Variants in GABRG3 observed in about 807,000 individuals in gnomAD.
The protein encoded by GABRG3 is gamma-aminobutyric acid type A receptor subunit gamma3.
Under a neutral mutation model 48.8 loss-of-function variants are expected in GABRG3, and 25 were observed. The ratio of observed to expected loss-of-function variants is 0.51; its 90% CI spans 0.37 to 0.72. The LOEUF is 0.72. Ranked by LOEUF, GABRG3 falls within the 30% of genes least tolerant of loss-of-function variation. GABRG3 has a pLI of 0.00. For synonymous variants in GABRG3, 227 were observed against 217.6 expected (o/e 1.04, Z -0.38); for missense variants, 394 against 577.9 (o/e 0.68, Z 3.26).
intron 3 of GABRG3, among the ~76,000 whole-genome samples, chr15:27,313,262 G>GTATATATATATATATATATATATATGTA (rs1893076958): frequency 2.9e-5 from 1 of 34,562 alleles, no homozygotes; most frequent in Non-Finnish European, 5.7e-5. Flanking sequence ...GTGTGTGTGT[G>GTATATATATATATATATATATATATGTA]TATATATATA....
chr15:27,289,864 C>T (rs1258395462), intron 3 of GABRG3, among the ~76,000 whole-genome samples: 1 of 152,044 alleles, frequency 6.6e-6, no homozygotes, highest in South Asian at 2.1e-4. Flanking sequence ...TGTGTATATA[C>T]GTGGACTAAT....
chr15:27,299,879 C>T lies in GABRG3; in HGVS notation c.271-26930C>T, dbSNP rs116769401. 4.2e-3 allele frequency among the ~76,000 whole-genome samples: 636 copies of T among 152,210 alleles called. 2 individuals are homozygous for T. The highest frequency in any genetic ancestry group is 0.015 in the African/African-American group (606 of 41,532). ...ACACATGCCAGAGAATAAAAAAGTACTAGGTAGCTTGCAGAAAGAAAAGAG... is the reference window on the plus strand; with the variant it reads ...ACACATGCCAGAGAATAAAAAAGTATTAGGTAGCTTGCAGAAAGAAAAGAG... On this transcript the variant is annotated intron_variant, in intron 3 of 9. Transcript: ENST00000615808.
intron 6 of GABRG3, among the ~76,000 whole-genome samples, chr15:27,486,828 T>C (rs781564389): frequency 6.6e-6 from 1 of 152,192 alleles, no homozygotes; most frequent in African/African-American, 2.4e-5. Flanking sequence ...GTGAGGAGAA[T>C]TGAGAGATTT....
At chr15:27,259,410 C>T (rs895304624) in intron 3 of GABRG3, among the ~76,000 whole-genome samples, 5 of 152,142 alleles carry the variant, frequency 3.3e-5, no homozygotes, top group Admixed American at 6.5e-5. Context: ...GTGAGCAGAG[C>T]GGAGGCTTTC....
intron 3 of GABRG3, among the ~76,000 whole-genome samples, chr15:27,205,311 A>G (rs1472793572): frequency 6.6e-6 from 1 of 152,136 alleles, no homozygotes; most frequent in Non-Finnish European, 1.5e-5. Flanking sequence ...TATTGAGATG[A>G]TCATGTGCTT....
intron 5 of GABRG3, among the ~76,000 whole-genome samples, chr15:27,410,824 G>C (rs1280568045): frequency 6.7e-6 from 1 of 149,862 alleles, no homozygotes; most frequent in Admixed American, 6.7e-5. Flanking sequence ...GAAAGAGAGA[G>C]AGAGCACACG....
intron 3 of GABRG3, among the ~76,000 whole-genome samples, chr15:27,201,302 G>A (rs1480083549): frequency 6.6e-6 from 1 of 151,416 alleles, no homozygotes. Flanking sequence ...AGGGAGGTTG[G>A]TGGACAGAGC....
chr15:27,215,801 G>A (rs1317550300), intron 3 of GABRG3, among the ~76,000 whole-genome samples: 1 of 152,166 alleles, frequency 6.6e-6, no homozygotes, highest in Non-Finnish European at 1.5e-5. Context: ...AAGCTTTGCT[G>A]TGCCTTTGTA....
chr15:27,385,739 C>G (rs1399735185), intron 5 of GABRG3, among the ~76,000 whole-genome samples: 1 of 152,130 alleles, frequency 6.6e-6, no homozygotes, highest in East Asian at 1.9e-4. Context: ...TCATTCTGTT[C>G]TATATTGACA....
chr15:27,480,913 C>T, intron 6 of GABRG3, 126 bp downstream of exon 6: 1 of 1,431,954 alleles, frequency 7.0e-7, no homozygotes. Flanking sequence ...TGAGACAAAA[C>T]AAGTGATTCA....
At chr15:27,145,494 G>A (rs1446015801) in intron 3 of GABRG3, among the ~76,000 whole-genome samples, 2 of 152,078 alleles carry the variant, frequency 1.3e-5, no homozygotes, top group African/African-American at 4.8e-5. Context: ...TAGGTTGATT[G>A]AGATTATCCA....
At chr15:27,420,466 C>T (rs1157418622) in intron 5 of GABRG3, among the ~76,000 whole-genome samples, 1 of 152,098 alleles carries the variant, frequency 6.6e-6, no homozygotes, top group African/African-American at 2.4e-5. Context: ...GTTCTGGACA[C>T]CCAGTGACTA....
In GABRG3 at chr15:27,535,713, A is replaced by C. The variant is rs963306216; in HGVS notation, c.*2832A>C. 1.3e-5 allele frequency: 2 copies of C among 152,084 alleles called. No individual in the cohort carries two copies. The highest frequency in any genetic ancestry group is 4.8e-5 in the African/African-American group (2 of 41,412). The allele number at this position is 152,084 out of a possible 1,614,324, so 9.4% of individuals were successfully genotyped here. A position where few individuals can be genotyped will look rare whatever the true frequency, so the allele number is the denominator to read the frequency against. On this transcript the variant is annotated 3_prime_UTR_variant, in exon 10 of 10. Coordinates refer to ENST00000615808, the MANE Select transcript of GABRG3 (RefSeq NM_033223.5). The stretch of plus-strand genomic sequence containing the variant: ...ATTCAAGTTCTCCATATCAGTCTCA[A>C]CTCCTGAGATGAGCCTTTTCAGTCC...
chr15:27,123,040 T>TC (rs1897758304), intron 3 of GABRG3, among the ~76,000 whole-genome samples: 1 of 151,912 alleles, frequency 6.6e-6, no homozygotes. Flanking sequence ...ATCCCCTTTT[T>TC]CCCTCTCCCT....
At chr15:27,219,322 C>A (rs1230794839) in intron 3 of GABRG3, among the ~76,000 whole-genome samples, 2 of 152,098 alleles carry the variant, frequency 1.3e-5, no homozygotes. Flanking sequence ...GTTTGTGCTC[C>A]TCCAAGGTAG....
chr15:27,048,009 G>A (rs910242756), intron 3 of GABRG3, among the ~76,000 whole-genome samples: 8 of 152,174 alleles, frequency 5.3e-5, no homozygotes, highest in African/African-American at 1.4e-4. Context: ...AGAATAGGTC[G>A]TTTGCATCCA....
At chr15:27,386,127 T>C (rs1233978142) in intron 5 of GABRG3, among the ~76,000 whole-genome samples, 1 of 152,078 alleles carries the variant, frequency 6.6e-6, no homozygotes, top group Non-Finnish European at 1.5e-5. Flanking sequence ...CTCTCTCTCT[T>C]TGTTTTCCTG....
At chr15:27,046,006 G>A (rs893878052) in intron 3 of GABRG3, among the ~76,000 whole-genome samples, 3 of 152,208 alleles carry the variant, frequency 2.0e-5, no homozygotes, top group African/African-American at 7.2e-5. Context: ...ACTGCAGAGA[G>A]CTCCGAGTTC....
intron 3 of GABRG3, among the ~76,000 whole-genome samples, chr15:27,297,530 C>T (rs1892037646): frequency 6.6e-6 from 1 of 152,068 alleles, no homozygotes. Flanking sequence ...GTTACAATTC[C>T]TTAGAATATT....
Sources: gnomAD v4.1 joint callset for allele counts (sites outside exome capture counted in the v4.1 genomes callset) on GRCh38, gnomAD v4.1.1 for gene constraint, MANE v1.5 for transcripts, NCBI Gene and HGNC (gene_info 2026-07-23, HGNC 2026-07-21) for gene names.